COMMD3: variants seen among roughly 807,000 people sequenced by gnomAD.
The protein encoded by COMMD3 is COMM domain-containing protein 3.
In COMMD3, 31 loss-of-function variants were observed where a neutral mutation model predicts 31.2. That is an observed-to-expected ratio of 0.99 (90% confidence interval 0.75 to 1.34). The LOEUF (loss-of-function observed/expected upper bound fraction) is 1.34. Among genes scored for constraint, COMMD3 ranks in the 40% most tolerant of loss-of-function variants. The pLI is 0.00. For synonymous variants in COMMD3, 108 were observed against 87.3 expected, an observed-to-expected ratio of 1.24 and a Z score of -1.32; for missense variants, 274 against 236.9, an observed-to-expected ratio of 1.16 and a Z score of -1.03.
chr10:22,320,013 C>T lies in COMMD3; in HGVS notation c.*15C>T, dbSNP rs1188577903. The T allele has an allele frequency of 6.2e-7, 1 of 1,614,060 alleles. No homozygotes were observed. The stretch of plus-strand genomic sequence containing the variant: ...CTCAGTTGTAACTTGGGGAAGTTAA[C>T]GATCCGCCCGAGTGCAGAGGAAAAC... On this transcript the variant is annotated 3_prime_UTR_variant, in exon 8 of 8. Coordinates refer to ENST00000376836, the MANE Select transcript of COMMD3 (RefSeq NM_012071.4).
chr10:22,319,117 T>A, intron 7 of COMMD3, 99 bp downstream of exon 7: 1 of 1,315,000 alleles, frequency 7.6e-7, no homozygotes, highest in Non-Finnish European at 1.0e-6. Flanking sequence ...TCTAACCATT[T>A]GTCAGCAGAT....
intron 7 of COMMD3, 63 bp from the exon 8 acceptor site, chr10:22,319,876 G>T: frequency 1.3e-6 from 2 of 1,584,242 alleles, no homozygotes; most frequent in South Asian, 1.1e-5. Context: ...CATCTTTCTT[G>T]AGCTTGGATA....
rs143979325 is a variant in COMMD3, at chr10:22,316,426, C to G, written c.9C>G (p.Leu3=). 5.5e-5 allele frequency: 85 copies of G among 1,544,610 alleles called. 2 individuals carry two copies. The South Asian group carries it at 6.2e-4, about 11-fold the overall frequency. The change falls in exon 1 of 8, where the codon CTC becomes CTG. Residue 3 remains leucine, a synonymous_variant. Coordinates refer to ENST00000376836, the MANE Select transcript of COMMD3 (RefSeq NM_012071.4). ME[L]SESVQKGFQM... ...GTCACGGCGCGCTCACAATGGAGCTCTCGGAGTCTGTGCAGAAAGGCTTCC... is the reference window on the plus strand; with the variant it reads ...GTCACGGCGCGCTCACAATGGAGCTGTCGGAGTCTGTGCAGAAAGGCTTCC...
intron 3 of COMMD3, 38 bp from the exon 4 acceptor site, chr10:22,318,234 T>TTTTTTTCTTTCTTTCTTGCTTTC (rs752032023): frequency 6.3e-7 from 1 of 1,589,638 alleles, no homozygotes; most frequent in Non-Finnish European, 8.5e-7. Flanking sequence ...TAAAGATGTT[T>TTTTTTTCTTTCTTTCTTGCTTTC]TTTTTTCTTT....
At position 22,318,264 on chromosome 10, in the gene COMMD3, C is replaced by T. The variant is rs1262826073; in HGVS notation, c.316-8C>T. ...TTCTTTCTTTCTTGCTTTCTTTTTT[C>T]TCTCCAGAATAATAAGAATTCCCTA... On this transcript the variant is annotated splice_polypyrimidine_tract_variant and splice_region_variant and intron_variant, in intron 3 of 7. Coordinates refer to ENST00000376836, the MANE Select transcript of COMMD3 (RefSeq NM_012071.4). 2 of 1,598,940 alleles carry T rather than the reference C, an allele frequency of 1.3e-6. No individual in the cohort carries two copies. The highest frequency in any genetic ancestry group is 8.5e-7 in the Non-Finnish European group (1 of 1,176,120).
intron 4 of COMMD3, 140 bp downstream of exon 4, chr10:22,318,446 C>T: frequency 7.9e-7 from 1 of 1,271,236 alleles, no homozygotes; most frequent in Admixed American, 2.3e-5. Context: ...TGAAGTTAAG[C>T]TCATGTTTTT....
Position 22,318,439 on chromosome 10 carries a change from A to T in COMMD3, c.350+133A>T, listed in dbSNP as rs1168611052. The T allele has an allele frequency of 3.1e-6, 4 of 1,294,480 alleles. 1 individual carries two copies. Among genetic ancestry groups the T allele is most frequent in the East Asian group, 4.6e-5 (2 of 43,174 alleles). The allele number at this position is 1,294,480 out of a possible 1,614,324, so 80.2% of individuals were successfully genotyped here. A position where few individuals can be genotyped will look rare whatever the true frequency, so the allele number is the denominator to read the frequency against. On this transcript the variant is annotated intron_variant, in intron 4 of 7. Coordinates refer to ENST00000376836, the MANE Select transcript of COMMD3 (RefSeq NM_012071.4). ...GCCAAAGGGCATGTCAAGCAATTGA[A>T]GTTAAGCTCATGTTTTTAAAGATCG...
In COMMD3 at chr10:22,318,831, G is replaced by T; in HGVS notation, c.437G>T (p.Arg146Ile). The T allele has an allele frequency of 6.2e-7, 1 of 1,613,902 alleles. No individual in the cohort carries two copies. Among genetic ancestry groups the T allele is most frequent in the Non-Finnish European group, 8.5e-7 (1 of 1,179,888 alleles). ...IKTNQLHRMY[R>I]PAYLVTLSVQ... ...ACCAATCAACTTCATAGGATGTACA[G>T]ACCTGCATATTTGGTGACCTTAAGT... Residue 146 changes from arginine to isoleucine, a missense_variant, in exon 6 of 8, where the codon AGA (arginine) becomes ATA (isoleucine). Physicochemically the swap from Arg to Ile is moderately conservative, Grantham distance 97 (BLOSUM62 -3). Coordinates refer to ENST00000376836, the MANE Select transcript of COMMD3 (RefSeq NM_012071.4).
In COMMD3 at chr10:22,320,068, C is replaced by T. The variant is rs775007236; in HGVS notation, c.*70C>T. On this transcript the variant is annotated 3_prime_UTR_variant, in exon 8 of 8. Transcript: ENST00000376836. ...AACGCCTTGCCTTCAGCTGAACCAC[C>T]GTTTGTGCGAGCTGGATGTCCTTTT... The T allele has an allele frequency of 6.2e-7, 1 of 1,613,492 alleles. No individual in the cohort carries two copies. The highest frequency in any genetic ancestry group is 8.5e-7 in the Non-Finnish European group (1 of 1,179,696).
Position 22,319,867 on chromosome 10 carries a change from A to T in COMMD3, c.529-72A>T. ...GGTGTGTCCTGATTTTTTTTCTTGCATCTTTCTTGAGCTTGGATACTTCTT... is the reference window on the plus strand; with the variant it reads ...GGTGTGTCCTGATTTTTTTTCTTGCTTCTTTCTTGAGCTTGGATACTTCTT... On this transcript the variant is annotated intron_variant, in intron 7 of 7. Coordinates refer to ENST00000376836, the MANE Select transcript of COMMD3 (RefSeq NM_012071.4). 2.5e-5 allele frequency: 39 copies of T among 1,568,174 alleles called. No homozygotes were observed. The Admixed American group carries it at 2.8e-4, about 11-fold the overall frequency.
chr10:22,317,735 C>A, intron 1 of COMMD3, 149 bp from the exon 2 acceptor site: 1 of 636,626 alleles, frequency 1.6e-6, no homozygotes, highest in Admixed American at 3.2e-5. Flanking sequence ...TCTTGTTGCT[C>A]ATCTCATTTA....
Position 22,318,813 on chromosome 10 carries a change from A to G in COMMD3, c.419A>G (p.Gln140Arg), listed in dbSNP as rs1167251286. Residue 140 changes from glutamine (Q) to arginine (R), a missense_variant, in exon 6 of 8, where the codon CAA becomes CGA. By Grantham distance (43) the Gln-to-Arg change is conservative. Transcript: ENST00000376836. Reference protein sequence around the residue: ...WRLEYQIKTNQLHRMYRPAYL... With the variant: ...WRLEYQIKTNRLHRMYRPAYL... Reference sequence around the variant, plus strand: ...TTTGTTGTGTTATTTTAGACCAATCAACTTCATAGGATGTACAGACCTGCA... The same window carrying G: ...TTTGTTGTGTTATTTTAGACCAATCGACTTCATAGGATGTACAGACCTGCA... 2 of 1,614,018 alleles carry G rather than the reference A, an allele frequency of 1.2e-6. No homozygotes were observed. Among genetic ancestry groups the G allele is most frequent in the Admixed American group, 1.7e-5 (1 of 60,028 alleles).
intron 1 of COMMD3, chr10:22,317,008 A>G (rs951553223): frequency 5.9e-5 from 9 of 153,216 alleles, no homozygotes; most frequent in African/African-American, 1.9e-4. Context: ...CAGTGTTGAC[A>G]TTTGCCAACT....
Position 22,316,427 on chromosome 10 carries a change from T to G in COMMD3, c.10T>G (p.Ser4Ala). 6.5e-7 allele frequency: 1 copy of G among 1,545,016 alleles called. No homozygotes were observed. The highest frequency in any genetic ancestry group is 8.7e-7 in the Non-Finnish European group (1 of 1,143,484). ...TCACGGCGCGCTCACAATGGAGCTC[T>G]CGGAGTCTGTGCAGAAAGGCTTCCA... is the stretch of plus-strand genomic sequence containing the variant. MEL[S>A]ESVQKGFQML... The change falls in exon 1 of 8, where the codon TCG becomes GCG. Residue 4 changes from serine to alanine, a missense_variant. By Grantham distance (99) the Ser-to-Ala change is moderately conservative. Coordinates refer to ENST00000376836, the MANE Select transcript of COMMD3 (RefSeq NM_012071.4).
rs751741505 is a variant in COMMD3 at position 22,318,162 on chromosome 10, A to G, written c.309A>G (p.Glu103=). 3 of 1,612,330 alleles carry G rather than the reference A, an allele frequency of 1.9e-6. No homozygotes were observed. The highest frequency in any genetic ancestry group is 1.7e-5 in the Admixed American group (1 of 59,756). Reference sequence around the variant, plus strand: ...AGCGAATAGAACTGTTTTGCACGGAATATCAGGTTACTTACTTTAAAATTT... The same window carrying G: ...AGCGAATAGAACTGTTTTGCACGGAGTATCAGGTTACTTACTTTAAAATTT... The part of the protein sequence containing the change: ...DRERIELFCT[E]YQNNKNSLEI... The change falls in exon 3 of 8, where the codon GAA becomes GAG. Residue 103 remains glutamate, a synonymous_variant. Coordinates refer to ENST00000376836, the MANE Select transcript of COMMD3 (RefSeq NM_012071.4).
chr10:22,318,568 A>C (rs1835897976), intron 4 of COMMD3, 85 bp from the exon 5 acceptor site: 1 of 1,284,920 alleles, frequency 7.8e-7, no homozygotes, highest in Non-Finnish European at 1.1e-6. Flanking sequence ...TTGGGGGTGG[A>C]AAGTAGAGCC....
chr10:22,318,572 T>C (rs1835898148), intron 4 of COMMD3, 81 bp from the exon 5 acceptor site: 1 of 1,313,690 alleles, frequency 7.6e-7, no homozygotes, highest in Non-Finnish European at 1.1e-6. Context: ...GGGTGGAAAG[T>C]AGAGCCATTC....
intron 7 of COMMD3, 25 bp from the exon 8 acceptor site, chr10:22,319,914 G>A (rs1835930829): frequency 2.5e-6 from 4 of 1,612,034 alleles, no homozygotes; most frequent in African/African-American, 1.3e-5. Flanking sequence ...TCCTAAAAAC[G>A]TGGTATTGTA....
rs186281665 is a variant in COMMD3, at chr10:22,319,866, C to G, written c.529-73C>G. On this transcript the variant is annotated intron_variant, in intron 7 of 7. Transcript: ENST00000376836. ...AGGTGTGTCCTGATTTTTTTTCTTG[C>G]ATCTTTCTTGAGCTTGGATACTTCT... 1.5e-3 allele frequency: 2,290 copies of G among 1,559,718 alleles called. 54 individuals carry two copies. The South Asian group carries it at 0.02, about 13-fold the overall frequency.
Sources: allele counts gnomAD v4.1 joint callset, GRCh38; gene constraint gnomAD v4.1.1; transcripts MANE v1.5; gene names NCBI Gene and HGNC (gene_info 2026-07-23, HGNC 2026-07-21).